VAV2: variants seen among roughly 807,000 people sequenced by gnomAD.
VAV2 encodes guanine nucleotide exchange factor VAV2.
A neutral mutation model predicts 132.5 loss-of-function variants in VAV2; 67 were observed. That is an observed-to-expected ratio of 0.51 (90% CI 0.42 to 0.62). VAV2 has a LOEUF of 0.62. Among genes scored for constraint, VAV2 ranks in the 20% least tolerant of loss-of-function variants. VAV2 has a pLI of 0.00. For missense variants in VAV2, 938 were observed against 1,153.6 expected (o/e 0.81, Z 2.71); for synonymous variants, 492 against 443.5 (o/e 1.11, Z -1.37).
chr9:133,799,818 G>C (rs968204534), intron 9 of VAV2, among the ~76,000 whole-genome samples: 1 of 152,210 alleles, frequency 6.6e-6, no homozygotes, highest in Admixed American at 6.5e-5. Flanking sequence ...CCCCGGTAGA[G>C]TAGGAGAGGA....
chr9:133,903,989 T>C (rs1165408070), intron 2 of VAV2, among the ~76,000 whole-genome samples: 1 of 152,268 alleles, frequency 6.6e-6, no homozygotes, highest in Admixed American at 6.5e-5. Context: ...TAAGTAAATG[T>C]TGAACTACTT....
intron 20 of VAV2, 77 bp from the exon 21 acceptor site, chr9:133,780,016 C>A: frequency 6.3e-7 from 1 of 1,581,598 alleles, no homozygotes; most frequent in Non-Finnish European, 8.7e-7. Context: ...ACGCACCCCG[C>A]CCTCCCTGTC....
chr9:133,820,335 T>C (rs191721852), intron 4 of VAV2, among the ~76,000 whole-genome samples: 21 of 151,672 alleles, frequency 1.4e-4, no homozygotes, highest in African/African-American at 3.1e-4. Context: ...TTTTCTTTTT[T>C]TTTTTTTTGA....
chr9:133,975,965 A>G (rs1842490839), intron 1 of VAV2, among the ~76,000 whole-genome samples: 1 of 151,932 alleles, frequency 6.6e-6, no homozygotes, highest in Admixed American at 6.6e-5. Context: ...TGGGAGGCTG[A>G]GGCGGGTGGA....
intron 12 of VAV2, among the ~76,000 whole-genome samples, chr9:133,792,747 C>T (rs3824560): frequency 0.51 from 74,662 of 147,020 alleles, 19,108 homozygotes; most frequent in South Asian, 0.56. Context: ...TCCATCCTGC[C>T]GGGGAGGCCG....
At chr9:133,775,880 C>G in intron 24 of VAV2, 148 bp downstream of exon 24, 1 of 1,073,904 alleles carries the variant, frequency 9.3e-7, no homozygotes, top group Non-Finnish European at 1.3e-6. Flanking sequence ...TTGGGAGCCA[C>G]TGGGCTCAGT....
At chr9:133,939,724 G>A (rs997016693) in intron 1 of VAV2, among the ~76,000 whole-genome samples, 16 of 152,360 alleles carry the variant, frequency 1.1e-4, no homozygotes, top group African/African-American at 1.2e-4. Flanking sequence ...GTGCACAGGC[G>A]TGCGTACATA....
At chr9:133,796,216 T>G (rs952181331) in intron 11 of VAV2, among the ~76,000 whole-genome samples, 1 of 152,232 alleles carries the variant, frequency 6.6e-6, no homozygotes, top group Non-Finnish European at 1.5e-5. Context: ...CTGACCTCTT[T>G]AGTGATTGGA....
At chr9:133,929,058 G>A (rs1357474352) in intron 2 of VAV2, among the ~76,000 whole-genome samples, 1 of 152,226 alleles carries the variant, frequency 6.6e-6, no homozygotes, top group South Asian at 2.1e-4. Flanking sequence ...CCCTCGGCAT[G>A]GGGGAGGCAA....
intron 2 of VAV2, among the ~76,000 whole-genome samples, chr9:133,910,828 AAAAAAAAAAG>A (rs1839856989): frequency 1.4e-5 from 2 of 144,926 alleles, no homozygotes; most frequent in African/African-American, 5.5e-5. Context: ...GGTCTCAAAA[AAAAAAAAAAG>A]AAAAAGAAAA....
At chr9:133,811,126 A>C (rs1835342301) in intron 5 of VAV2, among the ~76,000 whole-genome samples, 1 of 151,938 alleles carries the variant, frequency 6.6e-6, no homozygotes, top group African/African-American at 2.4e-5. Flanking sequence ...ACAAAGGGCC[A>C]CCATCCCTCG....
chr9:133,840,985 G>A lies in VAV2; in HGVS notation c.381-6645C>T, dbSNP rs909610357. On this transcript the variant is annotated intron_variant, in intron 3 of 29. Transcript: ENST00000371850. The surrounding 1 kb of genome is among the most constrained non-coding windows in gnomAD (Gnocchi z 4.5). ...CCCTCAGGATCTCAGCTAGAGGGAC[G>A]ACAGCTTGGGTTTGCTTTCTTGGAG... 6.6e-6 allele frequency among the ~76,000 whole-genome samples: 1 copy of A among 152,136 alleles called. No individual in the cohort carries two copies. The highest frequency in any genetic ancestry group is 1.5e-5 in the Non-Finnish European group (1 of 68,028).
At chr9:133,974,753 G>C (rs545682602) in intron 1 of VAV2, among the ~76,000 whole-genome samples, 1 of 111,666 alleles carries the variant, frequency 9.0e-6, no homozygotes, top group Non-Finnish European at 2.0e-5. Flanking sequence ...GTGCGCCGCG[G>C]ACAGATAGGT....
At chr9:133,887,665 A>AC (rs1371395911) in intron 2 of VAV2, among the ~76,000 whole-genome samples, 14 of 151,902 alleles carry the variant, frequency 9.2e-5, no homozygotes, top group Non-Finnish European at 1.9e-4. Flanking sequence ...CAACCCCAGC[A>AC]CCCCAGGGAC....
chr9:133,809,265 G>T, intron 6 of VAV2, 127 bp from the exon 7 acceptor site: 1 of 735,816 alleles, frequency 1.4e-6, no homozygotes, highest in Non-Finnish European at 2.3e-6. Context: ...CGAGGTCACT[G>T]AGTGTGCAGT....
chr9:133,846,490 C>A (rs1305861095), intron 3 of VAV2, among the ~76,000 whole-genome samples: 2 of 152,242 alleles, frequency 1.3e-5, no homozygotes, highest in Non-Finnish European at 2.9e-5. Flanking sequence ...ATCTCAGAGG[C>A]CACTGCCCTG....
rs960900462 is a variant in VAV2, at chr9:133,969,780, C to T, written c.204+22295G>A. 1.3e-5 allele frequency among the ~76,000 whole-genome samples: 2 copies of T among 152,128 alleles called. No individual in the cohort carries two copies. Among genetic ancestry groups the T allele is most frequent in the Non-Finnish European group, 1.5e-5 (1 of 68,006 alleles). On this transcript the variant is annotated intron_variant, in intron 1 of 29. Transcript: ENST00000371850. This position sits in a 1 kb window ranked among gnomAD's most constrained non-coding sequence, Gnocchi z 5.1. ...CTCTCTCCATTCCCACTTCTCTCCCCACCCCCCAGCCTGGACACCCCCATC... is the reference window on the plus strand; with the variant it reads ...CTCTCTCCATTCCCACTTCTCTCCCTACCCCCCAGCCTGGACACCCCCATC...
At chr9:133,990,778 C>A (rs1308864527) in intron 1 of VAV2, among the ~76,000 whole-genome samples, 1 of 152,244 alleles carries the variant, frequency 6.6e-6, no homozygotes, top group Non-Finnish European at 1.5e-5. Context: ...GACCGCCACC[C>A]CCGCCACCTG....
chr9:133,974,722 C>A (rs1383959626), intron 1 of VAV2, among the ~76,000 whole-genome samples: 4 of 152,192 alleles, frequency 2.6e-5, no homozygotes, highest in Admixed American at 2.0e-4. Context: ...TCCACACACT[C>A]CCTGCGCCCT....
Sources: gnomAD v4.1 joint callset for allele counts (sites outside exome capture counted in the v4.1 genomes callset) on GRCh38, gnomAD v4.1.1 for gene constraint, Gnocchi (gnomAD v3.1) non-coding constraint, MANE v1.5 for transcripts, NCBI Gene and HGNC (gene_info 2026-07-23, HGNC 2026-07-21) for gene names.